The following GMEB1 variants were observed in gnomAD, a reference collection of about 807,000 sequenced individuals.
GMEB1 encodes the protein glucocorticoid modulatory element-binding protein 1.
In GMEB1, 6 loss-of-function variants were observed where a neutral mutation model predicts 52.4. That is an observed-to-expected ratio of 0.11 (90% CI 0.06 to 0.23). The LOEUF (loss-of-function observed/expected upper bound fraction) is 0.23. GMEB1 is among the 10% of genes least tolerant of loss of function. The probability of loss-of-function intolerance (pLI) is 1.00; values close to 1 mark genes in which losing one functional copy is unlikely to be tolerated. For missense variants in GMEB1, 486 were observed against 685.6 expected (o/e 0.71, Z 3.25); for synonymous variants, 255 against 244.9 (o/e 1.04, Z -0.38).
chr1:28,694,307 C>T (rs543469355), intron 5 of GMEB1, among the ~76,000 whole-genome samples: 2 of 150,598 alleles, frequency 1.3e-5, no homozygotes, highest in African/African-American at 4.9e-5. Context: ...TCTCCTGTCT[C>T]AGCCTCCCCA....
In GMEB1 at chr1:28,683,697, A is replaced by C. The variant is rs753173640; in HGVS notation, c.85A>C (p.Thr29Pro). 4.3e-6 allele frequency: 7 copies of C among 1,612,026 alleles called. No homozygotes were observed. The highest frequency in any genetic ancestry group is 5.1e-6 in the Non-Finnish European group (6 of 1,179,252). Residue 29 changes from threonine to proline, a missense_variant, in exon 2 of 10, where the codon ACT becomes CCT. Physicochemically the swap from Thr to Pro is conservative, Grantham distance 38 (BLOSUM62 -1). Transcript: ENST00000373816. ...EGNEGENPED[T>P]KTQVILQLQP... ...AAATGAAGGGGAGAATCCTGAAGAC[A>C]CTAAAACCCAAGTGATTTTGCAGTT...
At position 28,714,578 on chromosome 1, in the gene GMEB1, G is replaced by C; in HGVS notation, c.1497G>C (p.Gln499His). Residue 499 changes from glutamine (Q) to histidine (H), a missense_variant, in exon 10 of 10, where the codon CAG (glutamine) becomes CAC (histidine). Gln to His is a conservative substitution (Grantham distance 24). Around this residue, in one of 5 missense-constraint regions of GMEB1, gnomAD observed 153 missense variants for 200.8 expected, o/e 0.76. Coordinates refer to ENST00000373816, the MANE Select transcript of GMEB1 (RefSeq NM_001319674.2). ...AGTCCGGCCTAACCTCGGCAATTCA[G>C]GCTGTTGAAAGCACCTCAGAGGATG... ...AMESGLTSAI[Q>H]AVESTSEDGQ... The C allele has an allele frequency of 6.2e-7, 1 of 1,614,166 alleles. No individual in the cohort carries two copies. Among genetic ancestry groups the C allele is most frequent in the Non-Finnish European group, 8.5e-7 (1 of 1,180,034 alleles).
At chr1:28,683,966 G>A (rs1230311489) in intron 2 of GMEB1, among the ~76,000 whole-genome samples, 2 of 152,026 alleles carry the variant, frequency 1.3e-5, no homozygotes, top group Non-Finnish European at 2.9e-5. Flanking sequence ...TCCACCTTGA[G>A]CTCCTTGAGG....
intron 1 of GMEB1, among the ~76,000 whole-genome samples, chr1:28,672,299 C>G (rs1557492727): frequency 6.7e-6 from 1 of 149,968 alleles, no homozygotes; most frequent in Non-Finnish European, 1.5e-5. Context: ...TGGCTCACTG[C>G]AAGCTCCGCC....
intron 1 of GMEB1, among the ~76,000 whole-genome samples, chr1:28,682,604 A>G (rs930342275): frequency 1.4e-5 from 2 of 141,922 alleles, no homozygotes; most frequent in African/African-American, 5.4e-5. Context: ...TGGGCGACAG[A>G]GTGAGACCCT....
upstream of GMEB1, among the ~76,000 whole-genome samples, chr1:28,668,511 T>G (rs779905222): frequency 1.3e-5 from 2 of 151,980 alleles, no homozygotes; most frequent in South Asian, 2.1e-4. Context: ...GTGGTTGAGG[T>G]GATTCTTTCA....
chr1:28,694,611 G>A (rs1670113455), intron 5 of GMEB1, among the ~76,000 whole-genome samples: 1 of 151,802 alleles, frequency 6.6e-6, no homozygotes, highest in Admixed American at 6.6e-5. Context: ...CTCCAAAGTA[G>A]GTTGGACTAC....
At chr1:28,669,009 G>A (rs1668743948) in intron 1 of GMEB1, among the ~76,000 whole-genome samples, 170 bp downstream of exon 1, 1 of 144,862 alleles carries the variant, frequency 6.9e-6, no homozygotes, top group African/African-American at 2.5e-5. Context: ...CCGCCGCCGG[G>A]GAGCGAGCGG....
chr1:28,674,796 G>A (rs1439158750), intron 1 of GMEB1, among the ~76,000 whole-genome samples: 3 of 123,048 alleles, frequency 2.4e-5, no homozygotes, highest in East Asian at 5.3e-4. Flanking sequence ...TTGGCTCACT[G>A]CAAGCTCCGC....
At chr1:28,695,671 G>A (rs1329093423) in intron 5 of GMEB1, among the ~76,000 whole-genome samples, 1 of 149,592 alleles carries the variant, frequency 6.7e-6, no homozygotes, top group Non-Finnish European at 1.5e-5. Context: ...GGGCGCGGTG[G>A]CTCACGCCTG....
intron 9 of GMEB1, among the ~76,000 whole-genome samples, chr1:28,712,451 C>T (rs1671098825): frequency 6.6e-6 from 1 of 152,148 alleles, no homozygotes; most frequent in Admixed American, 6.5e-5. Context: ...TTAATCATGC[C>T]TGGATCTTTC....
intron 3 of GMEB1, 107 bp downstream of exon 3, chr1:28,690,293 C>T (rs1669900968): frequency 3.6e-6 from 2 of 559,772 alleles, no homozygotes; most frequent in Non-Finnish European, 5.9e-6. Context: ...TTATGTTTTT[C>T]TCCCATCCCT....
chr1:28,698,260 T>C (rs1476950024), intron 6 of GMEB1, among the ~76,000 whole-genome samples: 1 of 151,674 alleles, frequency 6.6e-6, no homozygotes, highest in Non-Finnish European at 1.5e-5. Context: ...TCCCAGCTAC[T>C]TGGGAGGCTG....
intron 3 of GMEB1, among the ~76,000 whole-genome samples, chr1:28,691,147 C>T (rs10915186): frequency 0.39 from 59,291 of 151,414 alleles, 13,351 homozygotes; most frequent in East Asian, 0.76. Flanking sequence ...AAAAATTAGC[C>T]GGGCGTGGTG....
intron 3 of GMEB1, among the ~76,000 whole-genome samples, chr1:28,690,541 A>G (rs1669913233): frequency 6.6e-6 from 1 of 152,182 alleles, no homozygotes; most frequent in African/African-American, 2.4e-5. Context: ...GTCAGTGGAA[A>G]GAAACTGGAA....
intron 4 of GMEB1, 141 bp from the exon 5 acceptor site, chr1:28,692,801 C>CTCCTGT (rs1262535060): frequency 2.2e-6 from 1 of 452,100 alleles, no homozygotes; most frequent in Admixed American, 3.8e-5. Context: ...CACAATAGTA[C>CTCCTGT]AGGAGGTTGG....
intron 1 of GMEB1, among the ~76,000 whole-genome samples, chr1:28,683,119 A>G (rs1669472396): frequency 6.6e-6 from 1 of 152,130 alleles, no homozygotes; most frequent in East Asian, 1.9e-4. Context: ...AGAGCCTGTG[A>G]TAGCCCATCT....
At chr1:28,676,825 T>C (rs1256662770) in intron 1 of GMEB1, among the ~76,000 whole-genome samples, 1 of 152,160 alleles carries the variant, frequency 6.6e-6, no homozygotes, top group Admixed American at 6.6e-5. Context: ...CTCAGCACTT[T>C]GGGAGGCTGA....
intron 1 of GMEB1, among the ~76,000 whole-genome samples, chr1:28,674,406 A>G (rs184068146): frequency 6.6e-6 from 1 of 151,936 alleles, no homozygotes; most frequent in African/African-American, 2.4e-5. Flanking sequence ...TTATTTATTT[A>G]TTTATTTTTT....
Sources: gnomAD v4.1 joint callset for allele counts (sites outside exome capture counted in the v4.1 genomes callset) on GRCh38, gnomAD v4.1.1 for gene constraint, gnomAD v4.1.1 regional missense constraint, MANE v1.5 for transcripts, NCBI Gene and HGNC (gene_info 2026-07-23, HGNC 2026-07-21) for gene names.